Variants in MYCBP2 observed in about 807,000 individuals in gnomAD.
The protein encoded by MYCBP2 is E3 ubiquitin-protein ligase MYCBP2.
A neutral mutation model predicts 525.3 loss-of-function variants in MYCBP2; 120 were observed. The ratio of observed to expected loss-of-function variants is 0.23; its 90% CI spans 0.20 to 0.27. The LOEUF (loss-of-function observed/expected upper bound fraction) is 0.27, where lower values mean the gene tolerates loss of function less well. Ranked by LOEUF, MYCBP2 falls within the 10% of genes least tolerant of loss-of-function variation. The pLI is 1.00. For missense variants in MYCBP2, 4,149 were observed against 5,657.1 expected, an observed-to-expected ratio of 0.73 and a Z score of 8.55; for synonymous variants, 1,894 against 1,955.8, an observed-to-expected ratio of 0.97 and a Z score of 0.83.
chr13:77,268,971 T>C (rs905614333), intron 7 of MYCBP2, among the ~76,000 whole-genome samples: 2 of 152,182 alleles, frequency 1.3e-5, no homozygotes, highest in African/African-American at 2.4e-5. Flanking sequence ...TTTATCCTTA[T>C]ACAAAGGAAC....
chr13:77,073,938 G>A (rs2041833204), intron 68 of MYCBP2, among the ~76,000 whole-genome samples: 1 of 151,066 alleles, frequency 6.6e-6, no homozygotes, highest in African/African-American at 2.4e-5. Context: ...CAATATTATT[G>A]ACATGGCGAT....
intron 76 of MYCBP2, among the ~76,000 whole-genome samples, chr13:77,060,234 T>C (rs1445675371): frequency 6.6e-6 from 1 of 152,184 alleles, no homozygotes; most frequent in Non-Finnish European, 1.5e-5. Context: ...AACACAGATA[T>C]AAAAATCTAA....
At chr13:77,271,241 T>C (rs2074849272) in intron 5 of MYCBP2, among the ~76,000 whole-genome samples, 1 of 152,198 alleles carries the variant, frequency 6.6e-6, no homozygotes, top group African/African-American at 2.4e-5. Flanking sequence ...GGTGCCTTTT[T>C]CCATGTGCTT....
chr13:77,152,541 C>T (rs1244023950), intron 46 of MYCBP2, among the ~76,000 whole-genome samples: 1 of 152,130 alleles, frequency 6.6e-6, no homozygotes, highest in Non-Finnish European at 1.5e-5. Context: ...GCCAGCCCTG[C>T]CCCCCTACCC....
At chr13:77,152,508 T>C (rs541866282) in intron 46 of MYCBP2, among the ~76,000 whole-genome samples, 1 of 152,212 alleles carries the variant, frequency 6.6e-6, no homozygotes, top group Non-Finnish European at 1.5e-5. Flanking sequence ...ATCCTTGTAT[T>C]CCGCCTAAAT....
chr13:77,168,106 T>C (rs191445237), intron 40 of MYCBP2, among the ~76,000 whole-genome samples: 30 of 152,316 alleles, frequency 2.0e-4, no homozygotes, highest in South Asian at 4.1e-4. Flanking sequence ...GTTCAAAAAA[T>C]ACAATTTAAA....
Position 77,075,776 on chromosome 13 carries a change from TG to T in MYCBP2, c.11823+974del, listed in dbSNP as rs1449827542. The T allele has an allele frequency of 2.0e-5, 3 of 152,318 alleles. No individual in the cohort carries two copies. The East Asian group carries it at 5.8e-4, about 29-fold the overall frequency. 9.4% of individuals were successfully genotyped at this position (152,318 alleles called of 1,614,324 possible). A position where few individuals can be genotyped will look rare whatever the true frequency, so the allele number is the denominator to read the frequency against. On this transcript the variant is annotated intron_variant, in intron 68 of 82. Coordinates refer to ENST00000544440, the MANE Select transcript of MYCBP2 (RefSeq NM_015057.5). ...AATTGTTTAGTACAGAGTTGACATCTGCTAAAATTCAATTGACTTAACAGGT... is the reference window on the plus strand; with the variant it reads ...AATTGTTTAGTACAGAGTTGACATCTCTAAAATTCAATTGACTTAACAGGT...
intron 69 of MYCBP2, among the ~76,000 whole-genome samples, chr13:77,070,422 T>C (rs1260488109): frequency 6.7e-6 from 1 of 148,834 alleles, no homozygotes; most frequent in South Asian, 2.1e-4. Context: ...TTTCTTGCAA[T>C]TTTTTTTTTA....
chr13:77,215,497 T>C (rs2064695095), intron 21 of MYCBP2, among the ~76,000 whole-genome samples: 1 of 152,198 alleles, frequency 6.6e-6, no homozygotes, highest in Non-Finnish European at 1.5e-5. Context: ...GAAAGATTCT[T>C]ACTGAGGAAG....
chr13:77,054,643 C>G (rs888949898), intron 80 of MYCBP2, among the ~76,000 whole-genome samples: 9 of 151,498 alleles, frequency 5.9e-5, no homozygotes, highest in African/African-American at 2.2e-4. Flanking sequence ...CTATGTCACC[C>G]AGGCTGGACT....
chr13:77,310,693 A>T (rs567250401), intron 1 of MYCBP2, among the ~76,000 whole-genome samples: 1 of 152,264 alleles, frequency 6.6e-6, no homozygotes, highest in African/African-American at 2.4e-5. Context: ...TTTGCAAGTT[A>T]AATAAAAATT....
chr13:77,161,517 GCTTC>G (rs900669845), intron 44 of MYCBP2, among the ~76,000 whole-genome samples: 3 of 152,174 alleles, frequency 2.0e-5, no homozygotes, highest in Admixed American at 1.3e-4. Flanking sequence ...ACCTTTTGCT[GCTTC>G]TTATAACACA....
intron 62 of MYCBP2, among the ~76,000 whole-genome samples, chr13:77,085,954 A>G (rs2154112529): frequency 6.6e-6 from 1 of 152,242 alleles, no homozygotes; most frequent in East Asian, 1.9e-4. Context: ...GTAACTGTAG[A>G]CTGTCCTATT....
At position 77,206,648 on chromosome 13, in the gene MYCBP2, C is replaced by T. The variant is rs2063376889; in HGVS notation, c.3589+5G>A. On this transcript the variant is annotated splice_donor_5th_base_variant and intron_variant, in intron 24 of 82. Coordinates refer to ENST00000544440, the MANE Select transcript of MYCBP2 (RefSeq NM_015057.5). ...AATTAATGGTACATCAAATCGCAAC[C>T]CTACCTAAAATGTGCAAAGCTGCAT... 6.4e-7 allele frequency: 1 copy of T among 1,562,806 alleles called. No individual in the cohort carries two copies. The highest frequency in any genetic ancestry group is 1.4e-5 in the African/African-American group (1 of 73,724).
intron 47 of MYCBP2, among the ~76,000 whole-genome samples, chr13:77,150,330 T>TG (rs991404666): frequency 8.5e-5 from 13 of 152,138 alleles, no homozygotes; most frequent in East Asian, 7.7e-4. Flanking sequence ...TTTGTAGAGA[T>TG]GGGGTCTCAC....
At chr13:77,260,733 C>T in intron 12 of MYCBP2, 141 bp from the exon 13 acceptor site, 1 of 672,328 alleles carries the variant, frequency 1.5e-6, no homozygotes, top group Non-Finnish European at 2.3e-6. Flanking sequence ...GCCTGGGCTT[C>T]CCAACATGTC....
At position 77,045,238 on chromosome 13, in the gene MYCBP2, T is replaced by C; in HGVS notation, c.*140A>G. ...AGAATTATGTACATGGTATTTGGTA[T>C]CCTTCTTGCACTGTGAATGGTTCAT... On this transcript the variant is annotated 3_prime_UTR_variant, in exon 83 of 83. Coordinates refer to ENST00000544440, the MANE Select transcript of MYCBP2 (RefSeq NM_015057.5). The C allele has an allele frequency of 1.9e-6, 1 of 528,844 alleles. No individual in the cohort carries two copies. Among genetic ancestry groups the C allele is most frequent in the South Asian group, 3.2e-5 (1 of 31,472 alleles). 32.8% of individuals were successfully genotyped at this position (528,844 alleles called of 1,614,324 possible).
At chr13:77,316,005 AT>A (rs2080893330) in intron 1 of MYCBP2, among the ~76,000 whole-genome samples, 1 of 152,198 alleles carries the variant, frequency 6.6e-6, no homozygotes, top group African/African-American at 2.4e-5. Flanking sequence ...CCTACAGCTA[AT>A]ATCATACTTA....
In MYCBP2 at chr13:77,067,710, A is replaced by C. The variant is rs1167664198; in HGVS notation, c.12326T>G (p.Phe4109Cys). The C allele has an allele frequency of 1.9e-6, 3 of 1,613,994 alleles. No individual in the cohort carries two copies. The highest frequency in any genetic ancestry group is 1.7e-6 in the Non-Finnish European group (2 of 1,180,032). Residue 4109 changes from phenylalanine to cysteine, a missense_variant, in exon 71 of 83, where the codon TTT becomes TGT. Phe to Cys is a radical substitution (Grantham distance 205). Coordinates refer to ENST00000544440, the MANE Select transcript of MYCBP2 (RefSeq NM_015057.5). ...DWNKLGILDM[F>C]LGCIAKALTV... ...GAGTGCTTTGGCAATGCATCCTAGA[A>C]ACATGTCCAAGATACCCAGCTTATT...
Sources: allele counts gnomAD v4.1 joint callset (sites outside exome capture counted in the v4.1 genomes callset), GRCh38; gene constraint gnomAD v4.1.1; transcripts MANE v1.5; gene names NCBI Gene and HGNC (gene_info 2026-07-23, HGNC 2026-07-21).